Variants in ETFBKMT observed in about 807,000 individuals in gnomAD.
ETFBKMT encodes the protein electron transfer flavoprotein subunit beta lysine methyltransferase.
ETFBKMT carries 13 observed loss-of-function variants against 18.3 expected under a neutral mutation model. That is an observed-to-expected ratio of 0.71 (90% CI 0.46 to 1.13). The LOEUF is 1.13. Among genes scored for constraint, ETFBKMT ranks in the 50% most tolerant of loss-of-function variants. The probability of loss-of-function intolerance (pLI) is 0.00; values close to 1 mark genes in which losing one functional copy is unlikely to be tolerated. For missense variants in ETFBKMT, 293 were observed against 306.2 expected (o/e 0.96, Z 0.32); for synonymous variants, 84 against 107.9 (o/e 0.78, Z 1.37).
chr12:31,659,180 G>A (rs1951088669), upstream of ETFBKMT: 1 of 152,272 alleles, frequency 6.6e-6, no homozygotes, highest in African/African-American at 2.4e-5. Flanking sequence ...CTGGGAAAAA[G>A]GGCGGGGCCG....
At chr12:31,661,703 C>G in intron 1 of ETFBKMT, 138 bp from the exon 2 acceptor site, 1 of 396,042 alleles carries the variant, frequency 2.5e-6, no homozygotes, top group South Asian at 2.8e-5. Context: ...TCGTGATCCA[C>G]CCGCCTTGGC....
intron 2 of ETFBKMT, among the ~76,000 whole-genome samples, chr12:31,665,242 T>A (rs1951179460): frequency 6.6e-6 from 1 of 151,894 alleles, no homozygotes; most frequent in Non-Finnish European, 1.5e-5. Context: ...AGCCTACAAC[T>A]TTTTTTTGAA....
intron 2 of ETFBKMT, among the ~76,000 whole-genome samples, chr12:31,664,566 C>G (rs1009203366): frequency 6.6e-6 from 1 of 151,206 alleles, no homozygotes; most frequent in African/African-American, 2.4e-5. Flanking sequence ...GGCCTGTGCT[C>G]TTCTAAGAGG....
rs1302558789 is a variant in ETFBKMT, at chr12:31,671,074, A to C, written c.*3084A>C. ...TGTTTTAGGAAGATAAATCCTTCAT[A>C]GACCCAAAGAAGCTCACAATTTAGA... On this transcript the variant is annotated 3_prime_UTR_variant, in exon 4 of 4. Coordinates refer to ENST00000357721, the MANE Select transcript of ETFBKMT (RefSeq NM_001135863.2). 1 of 152,256 alleles carries C rather than the reference A, an allele frequency of 6.6e-6. No individual in the cohort carries two copies. Among genetic ancestry groups the C allele is most frequent in the Admixed American group, 6.5e-5 (1 of 15,280 alleles). The allele number at this position is 152,256 out of a possible 1,614,324, so 9.4% of individuals were successfully genotyped here. A position where few individuals can be genotyped will look rare whatever the true frequency, so the allele number is the denominator to read the frequency against.
chr12:31,669,788 C>T lies in ETFBKMT; in HGVS notation c.*1798C>T, dbSNP rs1052727174. The T allele has an allele frequency of 1.0e-4, 15 of 150,752 alleles. No homozygotes were observed. The highest frequency in any genetic ancestry group is 3.4e-4 in the African/African-American group (14 of 41,100). The allele number at this position is 150,752 out of a possible 1,614,324, so 9.3% of individuals were successfully genotyped here. On this transcript the variant is annotated 3_prime_UTR_variant, in exon 4 of 4. Transcript: ENST00000357721. ...AGGGTTGCCACACCTGGTTAGATAA[C>T]GTTTATGGACAGATTCCTAGAGCTT...
intron 1 of ETFBKMT, 135 bp from the exon 2 acceptor site, chr12:31,661,706 G>A (rs964775193): frequency 1.2e-5 from 5 of 401,892 alleles, no homozygotes; most frequent in East Asian, 5.0e-5. Flanking sequence ...TGATCCACCC[G>A]CCTTGGCCTC....
chr12:31,648,812 T>C lies in ETFBKMT; in HGVS notation c.-114+1557T>C, dbSNP rs547862128. 2.2e-4 allele frequency among the ~76,000 whole-genome samples: 33 copies of C among 152,058 alleles called. No individual in the cohort carries two copies. The East Asian group carries it at 4.5e-3, about 21-fold the overall frequency. ...TCCTGACCTTGTGATCTGCCCACCTTGGCCTCCCAAAGTGCTGGGATTACA... is the reference window on the plus strand; with the variant it reads ...TCCTGACCTTGTGATCTGCCCACCTCGGCCTCCCAAAGTGCTGGGATTACA... On this transcript the variant is annotated intron_variant, in intron 1 of 3. Coordinates refer to the ETFBKMT transcript ENST00000412352.
At position 31,668,995 on chromosome 12, in the gene ETFBKMT, C is replaced by T. The variant is rs886501985; in HGVS notation, c.*1005C>T. ...CTGGTTCTGATGCTTGTTTTCTTTT[C>T]AGACTGTTTTTTTGTCTTTTAGCAT... On this transcript the variant is annotated 3_prime_UTR_variant, in exon 4 of 4. Transcript: ENST00000357721. 1 of 152,172 alleles carries T rather than the reference C, an allele frequency of 6.6e-6. No homozygotes were observed. Among genetic ancestry groups the T allele is most frequent in the Non-Finnish European group, 1.5e-5 (1 of 68,040 alleles). The allele number at this position is 152,172 out of a possible 1,614,324, so 9.4% of individuals were successfully genotyped here.
At chr12:31,648,229 G>A (rs1047420471) in intron 1 of ETFBKMT, among the ~76,000 whole-genome samples, 10 of 152,202 alleles carry the variant, frequency 6.6e-5, no homozygotes, top group East Asian at 5.8e-4. Context: ...AGTATCCACA[G>A]GGGATTCGTT....
At chr12:31,648,486 T>C (rs1342028934) in intron 1 of ETFBKMT, among the ~76,000 whole-genome samples, 5 of 149,018 alleles carry the variant, frequency 3.4e-5, no homozygotes, top group Non-Finnish European at 7.4e-5. Context: ...CTCAGCCTCC[T>C]GAGTAGCCGG....
intron 1 of ETFBKMT, among the ~76,000 whole-genome samples, chr12:31,648,360 GTTTTTTT>G (rs35137084): frequency 8.5e-6 from 1 of 117,854 alleles, no homozygotes. Flanking sequence ...GATGTAAATA[GTTTTTTT>G]TTTTTTTTTT....
At chr12:31,655,613 C>T (rs1951055436), upstream of ETFBKMT, among the ~76,000 whole-genome samples, 1 of 152,224 alleles carries the variant, frequency 6.6e-6, no homozygotes, top group Non-Finnish European at 1.5e-5. Flanking sequence ...TCTTCCTTTA[C>T]TCCCTATTTT....
At chr12:31,650,090 G>C (rs1951003746) in intron 1 of ETFBKMT, among the ~76,000 whole-genome samples, 1 of 36,690 alleles carries the variant, frequency 2.7e-5, no homozygotes, top group South Asian at 1.0e-3. Context: ...ACTCCATCTC[G>C]AATAGGGGCT....
In ETFBKMT at chr12:31,672,987, A is replaced by G. The variant is rs914038781; in HGVS notation, c.*4997A>G. On this transcript the variant is annotated 3_prime_UTR_variant, in exon 4 of 4. Transcript: ENST00000357721. ...ATATAAATACACTGTAATTTAACCAATCTATATTATTGGACATTTAGATGT... is the reference window on the plus strand; with the variant it reads ...ATATAAATACACTGTAATTTAACCAGTCTATATTATTGGACATTTAGATGT... The G allele has an allele frequency of 6.6e-6, 1 of 152,264 alleles. No homozygotes were observed. The highest frequency in any genetic ancestry group is 2.4e-5 in the African/African-American group (1 of 41,444). The allele number at this position is 152,264 out of a possible 1,614,324, so 9.4% of individuals were successfully genotyped here.
rs752345267 is a variant in ETFBKMT at position 31,667,839 on chromosome 12, G to A, written c.638G>A (p.Arg213Gln). 14 of 1,614,050 alleles carry A rather than the reference G, an allele frequency of 8.7e-6. No individual in the cohort carries two copies. In the African/African-American group the frequency reaches 9.3e-5, roughly 11 times the overall value. Residue 213 changes from arginine to glutamine, a missense_variant, in exon 4 of 4, where the codon CGA becomes CAA. Transcript: ENST00000357721. ...AAGTGCTTCTGGACCTATAGAACTC[G>A]AGTACTGATTGGTGACCCTGGGCGG... ...LKKCFWTYRT[R>Q]VLIGDPGRPQ...
At position 31,662,053 on chromosome 12, in the gene ETFBKMT, T is replaced by A; in HGVS notation, c.100T>A (p.Cys34Ser). ...SGLLLFPCGQ[C>S]PWRGAGSFLD... is the part of the protein sequence containing the mutation. ...TCTTCTCTTGTTTCCCTGTGGCCAG[T>A]GTCCCTGGAGAGGAGCTGGAAGCTT... is the stretch of plus-strand genomic sequence containing the variant. Residue 34 changes from cysteine (C) to serine (S), a missense_variant, in exon 2 of 4, where the codon TGT becomes AGT. By Grantham distance (112) the Cys-to-Ser change is moderately radical (BLOSUM62 -1). Coordinates refer to ENST00000357721, the MANE Select transcript of ETFBKMT (RefSeq NM_001135863.2). 2 of 1,614,232 alleles carry A rather than the reference T, an allele frequency of 1.2e-6. No homozygotes were observed. The highest frequency in any genetic ancestry group is 1.7e-6 in the Non-Finnish European group (2 of 1,180,024).
chr12:31,667,954 A>C lies in ETFBKMT; in HGVS notation c.753A>C (p.Gly251=), dbSNP rs1565752497. 6.2e-7 allele frequency: 1 copy of C among 1,614,166 alleles called. No individual in the cohort carries two copies. Among genetic ancestry groups the C allele is most frequent in the Non-Finnish European group, 8.5e-7 (1 of 1,179,992 alleles). ...LLESTRQENS[G]LTTSTVWGFQ... Reference sequence around the variant, plus strand: ...AGTCTACTAGGCAGGAAAACAGTGGACTGACAACAAGCACAGTGTGGGGTT... The same window carrying C: ...AGTCTACTAGGCAGGAAAACAGTGGCCTGACAACAAGCACAGTGTGGGGTT... The change falls in exon 4 of 4, where the codon GGA becomes GGC. Residue 251 remains glycine, a synonymous_variant. Coordinates refer to ENST00000357721, the MANE Select transcript of ETFBKMT (RefSeq NM_001135863.2).
intron 2 of ETFBKMT, among the ~76,000 whole-genome samples, chr12:31,665,028 C>T (rs1951176398): frequency 6.6e-6 from 1 of 151,194 alleles, no homozygotes; most frequent in Non-Finnish European, 1.5e-5. Flanking sequence ...CCTCTGCCTC[C>T]TGGGTTCAAG....
intron 1 of ETFBKMT, among the ~76,000 whole-genome samples, chr12:31,651,323 T>G (rs1951016088): frequency 6.6e-6 from 1 of 151,328 alleles, no homozygotes; most frequent in South Asian, 2.1e-4. Flanking sequence ...TTTTTTTTCT[T>G]TTTTGAGACG....
Sources: allele counts gnomAD v4.1 joint callset (sites outside exome capture counted in the v4.1 genomes callset), GRCh38; gene constraint gnomAD v4.1.1; transcripts MANE v1.5; gene names NCBI Gene and HGNC (gene_info 2026-07-23, HGNC 2026-07-21).